Variants in BICC1 observed in about 807,000 individuals in gnomAD.
BICC1 encodes protein bicaudal C homolog 1.
A neutral mutation model predicts 111.0 loss-of-function variants in BICC1; 43 were observed. The observed-to-expected ratio is 0.39, with a 90% CI of 0.30 to 0.50. The LOEUF (loss-of-function observed/expected upper bound fraction) is 0.50, where lower values mean the gene tolerates loss of function less well. Among genes scored for constraint, BICC1 ranks in the 20% least tolerant of loss-of-function variants. The pLI, the probability that BICC1 is intolerant of heterozygous loss-of-function variation, is 0.88. For missense variants in BICC1, 1,091 were observed against 1,203.2 expected (o/e 0.91, Z 1.38); for synonymous variants, 467 against 434.4 (o/e 1.07, Z -0.93).
At chr10:58,680,168 C>T (rs912505708) in intron 2 of BICC1, among the ~76,000 whole-genome samples, 17 of 152,240 alleles carry the variant, frequency 1.1e-4, no homozygotes, top group Non-Finnish European at 2.1e-4. Flanking sequence ...ATTGGAAGTT[C>T]TGGCCAGGGC....
chr10:58,716,011 A>C, intron 3 of BICC1: 2 of 1,404,442 alleles, frequency 1.4e-6, no homozygotes, highest in Non-Finnish European at 2.0e-6. Context: ...TGAATCAGAC[A>C]GTAAGGATAG....
chr10:58,626,573 C>G, intron 2 of BICC1, among the ~76,000 whole-genome samples: 1 of 152,224 alleles, frequency 6.6e-6, no homozygotes, highest in East Asian at 1.9e-4. Flanking sequence ...ATTTGCTCAT[C>G]ATTCTCCTAG....
At chr10:58,681,531 G>A (rs1462200341) in intron 2 of BICC1, among the ~76,000 whole-genome samples, 1 of 152,184 alleles carries the variant, frequency 6.6e-6, no homozygotes, top group East Asian at 1.9e-4. Flanking sequence ...TGGAGAAATA[G>A]GAATGGTTCT....
At chr10:58,817,443 C>G in intron 18 of BICC1, 119 bp from the exon 19 acceptor site, 1 of 1,076,078 alleles carries the variant, frequency 9.3e-7, no homozygotes, top group Non-Finnish European at 1.4e-6. Context: ...ATTTCTACAG[C>G]TACTGCCCTA....
chr10:58,730,647 A>G (rs1841259990), intron 3 of BICC1, among the ~76,000 whole-genome samples: 1 of 151,774 alleles, frequency 6.6e-6, no homozygotes, highest in Non-Finnish European at 1.5e-5. Flanking sequence ...TATCCTCTAA[A>G]ATCTAGGCAG....
At chr10:58,601,168 A>C (rs1471951261) in intron 1 of BICC1, among the ~76,000 whole-genome samples, 8 of 139,338 alleles carry the variant, frequency 5.7e-5, no homozygotes, top group South Asian at 2.3e-4. Flanking sequence ...ATATATATAT[A>C]TATCTCCCAA....
rs1431871328 is a variant in BICC1 at position 58,601,152 on chromosome 10, A to ATT, written c.191-19702_191-19701insTT. Among the ~76,000 whole-genome samples the ATT allele has an allele frequency of 1.9e-3, 253 of 135,980 alleles. 8 individuals are homozygous for ATT. The highest frequency in any genetic ancestry group is 6.4e-3 in the African/African-American group (245 of 38,172). 89.2% of individuals were successfully genotyped at this position (135,980 alleles called of 152,430 possible). On this transcript the variant is annotated intron_variant, in intron 1 of 20. Transcript: ENST00000373886. The stretch of plus-strand genomic sequence containing the variant: ...GTCATTTTAAAACTTATATATATAT[A>ATT]TATATATATATATATATATCTCCCA...
At chr10:58,537,802 A>G (rs906433621) in intron 1 of BICC1, among the ~76,000 whole-genome samples, 3 of 151,854 alleles carry the variant, frequency 2.0e-5, no homozygotes, top group Admixed American at 6.6e-5. Flanking sequence ...AAATTAATAT[A>G]CATAAATCAG....
chr10:58,817,738 T>C lies in BICC1; in HGVS notation c.2694+16T>C. ...GCAACAAGAGGTCAGTCATTATTTA[T>C]TTTCCCAAGTATCTTTGTTTTGATT... is the stretch of plus-strand genomic sequence containing the variant. On this transcript the variant is annotated intron_variant, in intron 19 of 20. Transcript: ENST00000373886. The C allele has an allele frequency of 6.3e-7, 1 of 1,590,318 alleles. No homozygotes were observed. The highest frequency in any genetic ancestry group is 1.7e-4 in the Middle Eastern group (1 of 5,910).
At chr10:58,681,939 C>T (rs1199151906) in intron 2 of BICC1, among the ~76,000 whole-genome samples, 1 of 151,882 alleles carries the variant, frequency 6.6e-6, no homozygotes, top group African/African-American at 2.4e-5. Flanking sequence ...CATATGTATA[C>T]ATGTGGCATA....
At chr10:58,684,788 G>T (rs993865106) in intron 2 of BICC1, among the ~76,000 whole-genome samples, 3 of 152,038 alleles carry the variant, frequency 2.0e-5, no homozygotes, top group African/African-American at 7.2e-5. Context: ...TTGCCTAGTG[G>T]TCTATCCGTT....
intron 3 of BICC1, among the ~76,000 whole-genome samples, chr10:58,750,321 C>T (rs1205575330): frequency 1.3e-5 from 2 of 152,006 alleles, no homozygotes; most frequent in African/African-American, 4.8e-5. Flanking sequence ...CATAGACAAG[C>T]ATTATTAATC....
intron 1 of BICC1, among the ~76,000 whole-genome samples, chr10:58,518,472 C>T (rs1008906237): frequency 6.6e-6 from 1 of 151,774 alleles, no homozygotes; most frequent in Non-Finnish European, 1.5e-5. Context: ...AGTTCAGATG[C>T]AGCAGTACTG....
chr10:58,570,550 GTTAC>G (rs1178847191), intron 1 of BICC1, among the ~76,000 whole-genome samples: 1 of 152,124 alleles, frequency 6.6e-6, no homozygotes, highest in Non-Finnish European at 1.5e-5. Flanking sequence ...CAGATGCAGA[GTTAC>G]TTACTTCAAT....
At chr10:58,790,974 GGT>G (rs1456605925) in intron 8 of BICC1, among the ~76,000 whole-genome samples, 2 of 152,150 alleles carry the variant, frequency 1.3e-5, no homozygotes, top group East Asian at 3.8e-4. Flanking sequence ...GTAAGCCTCA[GGT>G]GTGACATTTA....
At chr10:58,684,512 T>C (rs1589017790) in intron 2 of BICC1, among the ~76,000 whole-genome samples, 2 of 152,200 alleles carry the variant, frequency 1.3e-5, no homozygotes, top group Admixed American at 6.5e-5. Context: ...TCTTGGACTT[T>C]TTTTGGTTGG....
chr10:58,799,005 G>T, intron 11 of BICC1, 51 bp from the exon 12 acceptor site: 1 of 1,317,916 alleles, frequency 7.6e-7, no homozygotes. Flanking sequence ...AAAAATAATA[G>T]TTGAATCTGA....
chr10:58,689,222 G>T (rs1295748213), intron 2 of BICC1, among the ~76,000 whole-genome samples: 1 of 152,088 alleles, frequency 6.6e-6, no homozygotes, highest in Non-Finnish European at 1.5e-5. Context: ...TGGCATCAGG[G>T]CTACCTGTGC....
chr10:58,685,956 G>A (rs540484547), intron 2 of BICC1, among the ~76,000 whole-genome samples: 76 of 152,294 alleles, frequency 5.0e-4, no homozygotes, highest in African/African-American at 1.8e-3. Flanking sequence ...TTTCTTCCTA[G>A]CATCAATGGT....
Sources: allele counts gnomAD v4.1 joint callset (sites outside exome capture counted in the v4.1 genomes callset), GRCh38; gene constraint gnomAD v4.1.1; transcripts MANE v1.5; gene names NCBI Gene and HGNC (gene_info 2026-07-23, HGNC 2026-07-21).